The following DPY19L2 variants were observed in gnomAD, a reference collection of about 807,000 sequenced individuals.
The protein encoded by DPY19L2 is probable C-mannosyltransferase DPY19L2.
Under a neutral mutation model 97.9 loss-of-function variants are expected in DPY19L2, and 34 were observed. That is an observed-to-expected ratio of 0.35 (90% CI 0.26 to 0.46). The LOEUF (loss-of-function observed/expected upper bound fraction) is 0.46, where lower values mean the gene tolerates loss of function less well. DPY19L2 is among the 20% of genes least tolerant of loss of function. The pLI, the probability that DPY19L2 is intolerant of heterozygous loss-of-function variation, is 1.00. For missense variants in DPY19L2, 623 were observed against 911.4 expected (o/e 0.68, Z 4.07); for synonymous variants, 230 against 307.9 (o/e 0.75, Z 2.65).
intron 6 of DPY19L2, among the ~76,000 whole-genome samples, chr12:63,628,791 A>C (rs902054079): frequency 2.6e-5 from 4 of 151,148 alleles, no homozygotes; most frequent in Non-Finnish European, 5.9e-5. Flanking sequence ...CTGACCTCCG[A>C]GTAGCATAAC....
intron 6 of DPY19L2, among the ~76,000 whole-genome samples, chr12:63,639,591 T>C (rs1215901537): frequency 2.6e-5 from 4 of 152,144 alleles, no homozygotes; most frequent in East Asian, 1.9e-4. Flanking sequence ...CCAACAGACA[T>C]ATGAAAAAAT....
intron 6 of DPY19L2, among the ~76,000 whole-genome samples, chr12:63,629,497 G>T (rs1160553119): frequency 6.6e-6 from 1 of 152,106 alleles, no homozygotes; most frequent in African/African-American, 2.4e-5. Flanking sequence ...GAAATGAAGC[G>T]AGAGGAGAAG....
chr12:63,593,512 T>C (rs1350201458), intron 16 of DPY19L2, among the ~76,000 whole-genome samples: 1 of 152,006 alleles, frequency 6.6e-6, no homozygotes, highest in Non-Finnish European at 1.5e-5. Context: ...AAATTGGAAA[T>C]CATCATTCTC....
At position 63,570,805 on chromosome 12, in the gene DPY19L2, T is replaced by C; in HGVS notation, c.1953A>G (p.Thr651=). 1.2e-6 allele frequency: 2 copies of C among 1,612,166 alleles called. No homozygotes were observed. Among genetic ancestry groups the C allele is most frequent in the Non-Finnish European group, 1.7e-6 (2 of 1,179,378 alleles). Residue 651 remains threonine, a synonymous_variant, in exon 20 of 22, where the codon ACA becomes ACG. Coordinates refer to ENST00000324472, the MANE Select transcript of DPY19L2 (RefSeq NM_173812.5). ...MPTMASIKLS[T]LHPIVNHPHY... ...GTGGATGATTCACAATGGGATGAAG[T>C]GTAGACAGCTTGATGCTTGCCATTG...
At chr12:63,607,777 C>A (rs1429290056) in intron 12 of DPY19L2, among the ~76,000 whole-genome samples, 4 of 152,072 alleles carry the variant, frequency 2.6e-5, no homozygotes, top group Admixed American at 6.5e-5. Context: ...GGATCACAGG[C>A]TCATGCCACC....
At chr12:63,644,620 T>C in intron 5 of DPY19L2, 124 bp from the exon 6 acceptor site, 1 of 1,406,864 alleles carries the variant, frequency 7.1e-7, no homozygotes. Context: ...GCTTTCCAGA[T>C]TGCTGCTGTG....
intron 6 of DPY19L2, among the ~76,000 whole-genome samples, chr12:63,632,059 A>G (rs958880015): frequency 2.6e-5 from 4 of 152,110 alleles, no homozygotes; most frequent in African/African-American, 7.2e-5. Flanking sequence ...TTGATGGGAC[A>G]TATCTCAAAA....
At chr12:63,591,626 C>A (rs933847193) in intron 16 of DPY19L2, among the ~76,000 whole-genome samples, 2 of 151,968 alleles carry the variant, frequency 1.3e-5, no homozygotes, top group African/African-American at 4.8e-5. Flanking sequence ...ATTACTAAAA[C>A]CATCCAAAAA....
At chr12:63,563,767 A>C (rs1410292705) in intron 21 of DPY19L2, among the ~76,000 whole-genome samples, 1 of 152,074 alleles carries the variant, frequency 6.6e-6, no homozygotes, top group Non-Finnish European at 1.5e-5. Flanking sequence ...GATAATGCTG[A>C]CCTCACAGAA....
At chr12:63,568,316 A>C (rs1396302625) in intron 21 of DPY19L2, among the ~76,000 whole-genome samples, 1 of 151,992 alleles carries the variant, frequency 6.6e-6, no homozygotes, top group Non-Finnish European at 1.5e-5. Context: ...TATACTTTTC[A>C]GCTCTAGAAT....
At position 63,647,995 on chromosome 12, in the gene DPY19L2, A is replaced by G. The variant is rs575282618; in HGVS notation, c.589-630T>C. Among the ~76,000 whole-genome samples, 8 of 152,236 alleles carry G rather than the reference A, an allele frequency of 5.3e-5. No homozygotes were observed. In the East Asian group the frequency reaches 1.4e-3, roughly 26 times the overall value. ...TTCAGGTATTGAAACTTAATGGCCA[A>G]TGTGATAGTATTAAGAGATGGGACC... On this transcript the variant is annotated intron_variant, in intron 4 of 21. Coordinates refer to ENST00000324472, the MANE Select transcript of DPY19L2 (RefSeq NM_173812.5).
intron 20 of DPY19L2, among the ~76,000 whole-genome samples, chr12:63,570,517 G>A (rs1423951834): frequency 2.6e-5 from 4 of 152,082 alleles, no homozygotes; most frequent in Non-Finnish European, 5.9e-5. Context: ...GTCACTTTGG[G>A]AAAAACTGGC....
intron 6 of DPY19L2, among the ~76,000 whole-genome samples, chr12:63,635,879 C>T (rs1891590116): frequency 6.6e-6 from 1 of 152,110 alleles, no homozygotes; most frequent in South Asian, 2.1e-4. Context: ...GGAAAACTTG[C>T]CCAACCTAGC....
At chr12:63,644,641 T>C in intron 5 of DPY19L2, 145 bp from the exon 6 acceptor site, 1 of 1,307,346 alleles carries the variant, frequency 7.6e-7, no homozygotes. Context: ...TTTAATTATT[T>C]ACCCTTATAA....
At chr12:63,648,053 C>T (rs138267102) in intron 4 of DPY19L2, among the ~76,000 whole-genome samples, 2 of 152,078 alleles carry the variant, frequency 1.3e-5, no homozygotes, top group African/African-American at 2.4e-5. Flanking sequence ...AAGACTCCCC[C>T]CTCATGAGTG....
intron 2 of DPY19L2, among the ~76,000 whole-genome samples, chr12:63,665,606 T>C (rs958699702): frequency 2.0e-5 from 3 of 152,188 alleles, no homozygotes; most frequent in African/African-American, 4.8e-5. Context: ...AATTATTTGG[T>C]AAAGCAAAAA....
rs559608789 is a variant in DPY19L2 at position 63,590,109 on chromosome 12, C to CA, written c.1580+3977dup. Among the ~76,000 whole-genome samples the CA allele has an allele frequency of 3.7e-3, 531 of 141,708 alleles. 9 individuals carry two copies. Among genetic ancestry groups the CA allele is most frequent in the Admixed American group, 0.025 (369 of 14,718 alleles). The allele number at this position is 141,708 out of a possible 152,430, so 93.0% of individuals were successfully genotyped here. ...TGCCACTGCATACACAGCAGCGAGACAAAAAAAACAAAACAAAACAAAACA... is the reference window on the plus strand; with the variant it reads ...TGCCACTGCATACACAGCAGCGAGACAAAAAAAAACAAAACAAAACAAAACA... On this transcript the variant is annotated intron_variant, in intron 16 of 21. Transcript: ENST00000324472.
intron 4 of DPY19L2, among the ~76,000 whole-genome samples, chr12:63,653,753 T>C (rs1436518985): frequency 1.3e-5 from 2 of 151,970 alleles, no homozygotes; most frequent in African/African-American, 4.8e-5. Context: ...TGATACACTT[T>C]TGAAGATGAA....
chr12:63,668,348 G>T lies in DPY19L2; in HGVS notation c.46C>A (p.Arg16Ser). 2 of 1,613,372 alleles carry T rather than the reference G, an allele frequency of 1.2e-6. No individual in the cohort carries two copies. Among genetic ancestry groups the T allele is most frequent in the Non-Finnish European group, 1.7e-6 (2 of 1,179,830 alleles). ...CCGCGCCGCCCCTTAGACTGGCTGC[G>T]GCCGGAAGATTGCAGCCGCTTTGAG... ...VSSKRLQSSG[R>S]SQSKGRRGAS... Residue 16 changes from arginine to serine, a missense_variant, in exon 1 of 22, where the codon CGC (arginine) becomes AGC (serine). Coordinates refer to ENST00000324472, the MANE Select transcript of DPY19L2 (RefSeq NM_173812.5).
Sources: gnomAD v4.1 joint callset for allele counts (sites outside exome capture counted in the v4.1 genomes callset) on GRCh38, gnomAD v4.1.1 for gene constraint, MANE v1.5 for transcripts, NCBI Gene and HGNC (gene_info 2026-07-23, HGNC 2026-07-21) for gene names.